SLMAP: variants seen among roughly 807,000 people sequenced by gnomAD.
The protein encoded by SLMAP is sarcolemma associated protein.
Under a neutral mutation model 128.8 loss-of-function variants are expected in SLMAP, and 44 were observed. The observed-to-expected ratio is 0.34, with a 90% CI of 0.27 to 0.44. The LOEUF (loss-of-function observed/expected upper bound fraction) is 0.44, where lower values mean the gene tolerates loss of function less well. SLMAP is among the 20% of genes least tolerant of loss of function. The pLI, the probability that SLMAP is intolerant of heterozygous loss-of-function variation, is 1.00. For synonymous variants in SLMAP, 327 were observed against 348.8 expected (o/e 0.94, Z 0.70); for missense variants, 787 against 985.3 (o/e 0.80, Z 2.69).
intron 2 of SLMAP, among the ~76,000 whole-genome samples, chr3:57,780,915 T>A (rs1326600461): frequency 6.6e-6 from 1 of 151,948 alleles, no homozygotes; most frequent in African/African-American, 2.4e-5. Context: ...AGTACTGGGA[T>A]TACAGGTGTG....
chr3:57,839,434 ATTTTTTTTTTT>A (rs1189313640), intron 3 of SLMAP, among the ~76,000 whole-genome samples: 1 of 82,866 alleles, frequency 1.2e-5, no homozygotes, highest in East Asian at 3.3e-4. Flanking sequence ...CATTAGCTCT[ATTTTTTTTTTT>A]TTTTTTTTTT....
At chr3:57,781,535 T>A (rs2083068092) in intron 2 of SLMAP, among the ~76,000 whole-genome samples, 1 of 152,160 alleles carries the variant, frequency 6.6e-6, no homozygotes, top group Non-Finnish European at 1.5e-5. Flanking sequence ...TGTTTGTTAT[T>A]TGTTTATGCC....
chr3:57,828,863 G>A (rs758310076), intron 2 of SLMAP, among the ~76,000 whole-genome samples: 2 of 151,944 alleles, frequency 1.3e-5, no homozygotes. Context: ...CACTGCAGCC[G>A]CAACCTCCCA....
chr3:57,790,474 C>T (rs984368069), intron 2 of SLMAP, among the ~76,000 whole-genome samples: 6 of 152,028 alleles, frequency 3.9e-5, no homozygotes, highest in Non-Finnish European at 8.8e-5. Flanking sequence ...AAGTGGAACA[C>T]GGTGGTAAAA....
intron 2 of SLMAP, among the ~76,000 whole-genome samples, chr3:57,786,208 TTG>T (rs2084055545): frequency 6.6e-6 from 1 of 152,240 alleles, no homozygotes; most frequent in South Asian, 2.1e-4. Context: ...GATTTATTTC[TTG>T]CTCATGTTAC....
chr3:57,928,211 T>C lies in SLMAP; in HGVS notation c.*922T>C, dbSNP rs909895955. ...ATTAAACCATGTATTTAAAGAGATA[T>C]TTTTCTTTAAAAGCCAAGTTACTTT... On this transcript the variant is annotated 3_prime_UTR_variant, in exon 25 of 25. Transcript: ENST00000671191. The C allele has an allele frequency of 3.3e-5, 5 of 152,578 alleles. No homozygotes were observed. Among genetic ancestry groups the C allele is most frequent in the African/African-American group, 1.2e-4 (5 of 41,452 alleles). The allele number at this position is 152,578 out of a possible 1,614,324, so 9.5% of individuals were successfully genotyped here.
intron 2 of SLMAP, among the ~76,000 whole-genome samples, chr3:57,785,254 G>T (rs1317623844): frequency 6.6e-6 from 1 of 152,156 alleles, no homozygotes; most frequent in Non-Finnish European, 1.5e-5. Context: ...TGATGCCATA[G>T]TTGCCTTACA....
At chr3:57,912,741 C>A in intron 20 of SLMAP, 40 bp downstream of exon 20, 1 of 1,456,096 alleles carries the variant, frequency 6.9e-7, no homozygotes, top group Non-Finnish European at 9.4e-7. Flanking sequence ...TAACTTTTGA[C>A]AATGATAACT....
intron 17 of SLMAP, chr3:57,899,707 C>G (rs1214517914): frequency 6.6e-6 from 1 of 152,058 alleles, no homozygotes; most frequent in Non-Finnish European, 1.5e-5. Flanking sequence ...ACCACCCTAC[C>G]CGACTTGTTT....
chr3:57,852,854 C>G (rs1425534259), intron 6 of SLMAP, among the ~76,000 whole-genome samples: 1 of 152,216 alleles, frequency 6.6e-6, no homozygotes, highest in African/African-American at 2.4e-5. Flanking sequence ...TCCTAATCCT[C>G]TGCTGTTCCT....
intron 14 of SLMAP, among the ~76,000 whole-genome samples, chr3:57,885,661 C>T (rs1217949411): frequency 6.9e-6 from 1 of 145,626 alleles, no homozygotes; most frequent in African/African-American, 2.5e-5. Context: ...TCAGGTGATC[C>T]GCCCGCCTGG....
At chr3:57,884,238 T>C (rs990589722) in intron 14 of SLMAP, among the ~76,000 whole-genome samples, 1 of 152,198 alleles carries the variant, frequency 6.6e-6, no homozygotes, top group Admixed American at 6.5e-5. Flanking sequence ...TGATACTTTG[T>C]ATTCTTGTCC....
At chr3:57,816,590 G>C (rs2091888093) in intron 2 of SLMAP, among the ~76,000 whole-genome samples, 1 of 152,132 alleles carries the variant, frequency 6.6e-6, no homozygotes, top group Admixed American at 6.5e-5. Context: ...TACATTTAAA[G>C]AAGTCATATG....
chr3:57,853,361 A>G (rs1161387748), intron 6 of SLMAP, among the ~76,000 whole-genome samples: 3 of 152,202 alleles, frequency 2.0e-5, no homozygotes, highest in African/African-American at 2.4e-5. Context: ...TTCCGTAGTC[A>G]TTATTTATCA....
intron 2 of SLMAP, among the ~76,000 whole-genome samples, chr3:57,776,448 G>A (rs1013629281): frequency 2.0e-5 from 3 of 148,874 alleles, no homozygotes; most frequent in Non-Finnish European, 4.4e-5. Flanking sequence ...ATAAGTGATC[G>A]TTTAATGCTT....
At chr3:57,851,554 C>A (rs1224102672) in intron 6 of SLMAP, among the ~76,000 whole-genome samples, 2 of 151,558 alleles carry the variant, frequency 1.3e-5, no homozygotes, top group Non-Finnish European at 2.9e-5. Context: ...CTCATTGCAA[C>A]CTCCACCTCC....
At chr3:57,843,771 C>CTT (rs1452471124) in intron 4 of SLMAP, among the ~76,000 whole-genome samples, 37 of 90,288 alleles carry the variant, frequency 4.1e-4, no homozygotes, top group South Asian at 1.6e-3. Context: ...TCTTTCTTTT[C>CTT]TTTCTTTTTT....
intron 2 of SLMAP, among the ~76,000 whole-genome samples, chr3:57,781,530 G>T (rs898339051): frequency 1.3e-5 from 2 of 152,072 alleles, no homozygotes; most frequent in Admixed American, 6.6e-5. Flanking sequence ...ATCTATGTTT[G>T]TTATTTGTTT....
intron 6 of SLMAP, among the ~76,000 whole-genome samples, chr3:57,856,310 T>G (rs566089312): frequency 6.6e-6 from 1 of 152,348 alleles, no homozygotes; most frequent in Admixed American, 6.5e-5. Context: ...CTTACAAGTT[T>G]TAAAACCTTT....
Sources: allele counts gnomAD v4.1 joint callset (sites outside exome capture counted in the v4.1 genomes callset), GRCh38; gene constraint gnomAD v4.1.1; transcripts MANE v1.5; gene names NCBI Gene and HGNC (gene_info 2026-07-23, HGNC 2026-07-21).